Variants in TBXAS1 observed in about 807,000 individuals in gnomAD.
TBXAS1 encodes the protein thromboxane A synthase 1, also known as thromboxane-A synthase.
Under a neutral mutation model 60.7 loss-of-function variants are expected in TBXAS1, and 48 were observed. That is an observed-to-expected ratio of 0.79 (90% CI 0.63 to 1.01). The LOEUF (loss-of-function observed/expected upper bound fraction) is 1.01, where lower values mean the gene tolerates loss of function less well. Ranked by LOEUF, TBXAS1 falls within the 50% of genes least tolerant of loss-of-function variation. The pLI is 0.00. For missense variants in TBXAS1, 685 were observed against 686.3 expected, an observed-to-expected ratio of 1.00 and a Z score of 0.02; for synonymous variants, 287 against 269.7, an observed-to-expected ratio of 1.06 and a Z score of -0.63.
intron 9 of TBXAS1, among the ~76,000 whole-genome samples, chr7:139,976,270 C>T (rs1470240060): frequency 2.0e-5 from 3 of 152,192 alleles, no homozygotes; most frequent in African/African-American, 7.2e-5. Flanking sequence ...TTCACTGCTG[C>T]CCAGTGCCAT....
intron 1 of TBXAS1, among the ~76,000 whole-genome samples, chr7:139,831,499 T>C (rs1798699701): frequency 6.6e-6 from 1 of 152,176 alleles, no homozygotes; most frequent in Non-Finnish European, 1.5e-5. Context: ...CAAGGAAAGA[T>C]GGAGGTGTAG....
At chr7:139,919,588 C>A (rs1372599646) in intron 4 of TBXAS1, among the ~76,000 whole-genome samples, 1 of 152,220 alleles carries the variant, frequency 6.6e-6, no homozygotes, top group East Asian at 1.9e-4. Context: ...TCTATCATGC[C>A]TTTCATCCCT....
chr7:139,860,079 G>C (rs1800857653), intron 1 of TBXAS1, among the ~76,000 whole-genome samples: 1 of 152,190 alleles, frequency 6.6e-6, no homozygotes, highest in Non-Finnish European at 1.5e-5. Context: ...AGGTTGCAGT[G>C]AACTGAGATT....
chr7:139,953,626 G>A (rs899975897), intron 6 of TBXAS1, 170 bp downstream of exon 6: 1 of 659,582 alleles, frequency 1.5e-6, no homozygotes, highest in Non-Finnish European at 2.6e-6. Flanking sequence ...CACTTAACAT[G>A]GGAAAGAGAT....
Position 139,986,978 on chromosome 7 carries a change from C to T in TBXAS1, c.1135-20113C>T, listed in dbSNP as rs949383718. Reference sequence around the variant, plus strand: ...GCAGAGTCAGGCCCTGGAAGAATCCCCCAGGCTATCTGTAAGAGCTAGAAT... The same window carrying T: ...GCAGAGTCAGGCCCTGGAAGAATCCTCCAGGCTATCTGTAAGAGCTAGAAT... On this transcript the variant is annotated intron_variant, in intron 9 of 12. Transcript: ENST00000448866. Among the ~76,000 whole-genome samples, 12 of 152,112 alleles carry T rather than the reference C, an allele frequency of 7.9e-5. 1 individual carries two copies. In the East Asian group the frequency reaches 2.3e-3, roughly 29 times the overall value.
At chr7:139,935,385 G>A (rs1807669215) in intron 4 of TBXAS1, among the ~76,000 whole-genome samples, 1 of 152,206 alleles carries the variant, frequency 6.6e-6, no homozygotes, top group South Asian at 2.1e-4. Flanking sequence ...GCAAATTCAA[G>A]TTTTGCTTTT....
chr7:140,010,473 A>G (rs995897462), intron 10 of TBXAS1, among the ~76,000 whole-genome samples: 11 of 152,120 alleles, frequency 7.2e-5, no homozygotes, highest in African/African-American at 2.7e-4. Context: ...TATGAGGTTC[A>G]GTTTACGGGG....
intron 4 of TBXAS1, among the ~76,000 whole-genome samples, chr7:139,929,262 C>G (rs1807124501): frequency 6.6e-6 from 1 of 152,242 alleles, no homozygotes; most frequent in African/African-American, 2.4e-5. Context: ...GGTGAGCGCA[C>G]ACTTGGACAA....
intron 5 of TBXAS1, among the ~76,000 whole-genome samples, chr7:139,939,636 A>G (rs1166557074): frequency 6.6e-6 from 1 of 151,916 alleles, no homozygotes; most frequent in Admixed American, 6.6e-5. Context: ...CTTCAAGAAG[A>G]AGTTGGCTGT....
chr7:139,846,824 G>T (rs995810875), intron 1 of TBXAS1, among the ~76,000 whole-genome samples: 2 of 152,124 alleles, frequency 1.3e-5, no homozygotes, highest in Admixed American at 6.5e-5. Context: ...GGGGTGTTGG[G>T]GATGGTCACC....
intron 3 of TBXAS1, among the ~76,000 whole-genome samples, chr7:139,903,201 T>G (rs769706248): frequency 3.3e-5 from 5 of 152,076 alleles, no homozygotes; most frequent in Admixed American, 2.6e-4. Context: ...GGATGTTTGG[T>G]TTCCCATTCC....
chr7:139,868,804 G>T (rs1801617316), intron 1 of TBXAS1, among the ~76,000 whole-genome samples: 1 of 151,464 alleles, frequency 6.6e-6, no homozygotes. Flanking sequence ...TTACAAGCCT[G>T]CCTGGTTACC....
chr7:139,796,852 C>A (rs1797585504), intron 4 of TBXAS1, among the ~76,000 whole-genome samples: 1 of 152,158 alleles, frequency 6.6e-6, no homozygotes, highest in Admixed American at 6.5e-5. Flanking sequence ...TGGCTGCAGC[C>A]TCTAATGACC....
rs922226198 is a variant in TBXAS1 at position 139,791,607 on chromosome 7, G to T, written c.-80+4181G>T. Among the ~76,000 whole-genome samples the T allele has an allele frequency of 2.6e-5, 4 of 152,186 alleles. No homozygotes were observed. The East Asian group carries it at 7.7e-4, about 29-fold the overall frequency. On this transcript the variant is annotated intron_variant, in intron 4 of 16. Coordinates refer to the TBXAS1 transcript ENST00000336425. ...ATTCGTGAGAGGATTAAGTTTCAGA[G>T]TATGTTGTATTGTGTAATATTTATA...
At chr7:139,905,579 T>C (rs1442422184) in intron 3 of TBXAS1, among the ~76,000 whole-genome samples, 1 of 152,206 alleles carries the variant, frequency 6.6e-6, no homozygotes, top group Non-Finnish European at 1.5e-5. Flanking sequence ...GTAGTTTTCT[T>C]TTTCGGTTGC....
intron 6 of TBXAS1, among the ~76,000 whole-genome samples, chr7:139,954,682 C>T (rs763727360): frequency 2.0e-5 from 3 of 152,176 alleles, no homozygotes; most frequent in Admixed American, 6.5e-5. Flanking sequence ...CTGACTACTC[C>T]TATAAGATAA....
At chr7:139,989,478 AT>A in intron 9 of TBXAS1, among the ~76,000 whole-genome samples, 1 of 152,320 alleles carries the variant, frequency 6.6e-6, no homozygotes, top group East Asian at 1.9e-4. Context: ...GAGCTCCCAC[AT>A]GGCTTCCTCC....
At chr7:139,806,153 G>A (rs1797870169) in intron 4 of TBXAS1, among the ~76,000 whole-genome samples, 1 of 151,734 alleles carries the variant, frequency 6.6e-6, no homozygotes, top group Non-Finnish European at 1.5e-5. Context: ...TGACCAGACT[G>A]GTCTTGAACT....
At chr7:139,955,983 G>T (rs939204526) in intron 7 of TBXAS1, among the ~76,000 whole-genome samples, 28 of 152,132 alleles carry the variant, frequency 1.8e-4, no homozygotes, top group Admixed American at 1.8e-3. Context: ...GCTGAGACTG[G>T]AACCCAAAGC....
Sources: gnomAD v4.1 joint callset for allele counts (sites outside exome capture counted in the v4.1 genomes callset) on GRCh38, gnomAD v4.1.1 for gene constraint, MANE v1.5 for transcripts, NCBI Gene and HGNC (gene_info 2026-07-23, HGNC 2026-07-21) for gene names.